The following BSPRY variants were observed in gnomAD, a reference collection of about 807,000 sequenced individuals.
The protein encoded by BSPRY is B-box and SPRY domain containing, also known as B box and SPRY domain-containing protein.
Under a neutral mutation model 38.0 loss-of-function variants are expected in BSPRY, and 33 were observed. The ratio of observed to expected loss-of-function variants is 0.87; its 90% confidence interval spans 0.66 to 1.16. The LOEUF is 1.16. BSPRY is among the 50% of genes most tolerant of loss of function. BSPRY has a pLI of 0.00. For synonymous variants in BSPRY, 224 were observed against 228.5 expected, an observed-to-expected ratio of 0.98 and a Z score of 0.18; for missense variants, 523 against 533.2, an observed-to-expected ratio of 0.98 and a Z score of 0.19.
intron 5 of BSPRY, 80 bp downstream of exon 5, chr9:113,368,463 TG>T: frequency 2.0e-6 from 3 of 1,531,662 alleles, no homozygotes; most frequent in Non-Finnish European, 2.7e-6. Flanking sequence ...TGGTTCACAA[TG>T]GGGACCCGTG....
intron 4 of BSPRY, among the ~76,000 whole-genome samples, chr9:113,366,423 G>A (rs1429951831): frequency 6.6e-6 from 1 of 152,200 alleles, no homozygotes; most frequent in African/African-American, 2.4e-5. Context: ...GAAGTGCCTT[G>A]TTGGCTCTGG....
intron 2 of BSPRY, among the ~76,000 whole-genome samples, chr9:113,354,682 A>T (rs1294290751): frequency 1.3e-5 from 2 of 152,182 alleles, no homozygotes; most frequent in African/African-American, 4.8e-5. Flanking sequence ...TGACAATCTT[A>T]TGAAGTAGAT....
At chr9:113,356,491 G>A (rs1253803766) in intron 2 of BSPRY, among the ~76,000 whole-genome samples, 4 of 137,250 alleles carry the variant, frequency 2.9e-5, no homozygotes, top group African/African-American at 1.2e-4. Context: ...GCAACAGTGC[G>A]AGACTCTGTC....
At chr9:113,354,900 G>T (rs1244138725) in intron 2 of BSPRY, among the ~76,000 whole-genome samples, 1 of 151,978 alleles carries the variant, frequency 6.6e-6, no homozygotes, top group Non-Finnish European at 1.5e-5. Flanking sequence ...GCCTCACTCT[G>T]TTGCCCAGGC....
chr9:113,357,916 A>C (rs1202194971), intron 2 of BSPRY, among the ~76,000 whole-genome samples: 18 of 42,034 alleles, frequency 4.3e-4, no homozygotes, highest in South Asian at 1.2e-3. Flanking sequence ...ATATATATAT[A>C]TATATATATA....
intron 2 of BSPRY, among the ~76,000 whole-genome samples, chr9:113,357,337 G>C (rs1834076697): frequency 6.6e-6 from 1 of 152,160 alleles, no homozygotes; most frequent in African/African-American, 2.4e-5. Context: ...AGGACTCCTT[G>C]TGCTACCCTT....
intron 3 of BSPRY, among the ~76,000 whole-genome samples, 172 bp downstream of exon 3, chr9:113,360,909 C>T (rs559134689): frequency 1.3e-5 from 2 of 152,340 alleles, no homozygotes; most frequent in East Asian, 3.9e-4. Context: ...AGCCTTCTCC[C>T]AGGCCCATCT....
At chr9:113,358,051 T>A (rs1313805488) in intron 2 of BSPRY, among the ~76,000 whole-genome samples, 1 of 149,520 alleles carries the variant, frequency 6.7e-6, no homozygotes, top group African/African-American at 2.4e-5. Context: ...AGTTCGAGAC[T>A]GTTTTGGGCA....
At chr9:113,353,585 C>T (rs1834005344) in intron 1 of BSPRY, among the ~76,000 whole-genome samples, 1 of 152,038 alleles carries the variant, frequency 6.6e-6, no homozygotes, top group African/African-American at 2.4e-5. Context: ...CACCTGTAAT[C>T]CCAGCTACTT....
In BSPRY at chr9:113,368,235, T is replaced by G. The variant is rs113557723; in HGVS notation, c.558-24T>G. The stretch of plus-strand genomic sequence containing the variant: ...TATTTCCAGAACCATCCTGAATCTC[T>G]GTCTCTGTTTTTCCCCATATAAGGA... On this transcript the variant is annotated intron_variant, in intron 4 of 5. Coordinates refer to ENST00000374183, the MANE Select transcript of BSPRY (RefSeq NM_017688.3). 12 of 1,613,166 alleles carry G rather than the reference T, an allele frequency of 7.4e-6. No homozygotes were observed. The South Asian group carries it at 1.3e-4, about 18-fold the overall frequency.
intron 4 of BSPRY, among the ~76,000 whole-genome samples, chr9:113,364,667 A>G (rs1834216856): frequency 1.3e-5 from 2 of 152,164 alleles, no homozygotes; most frequent in Middle Eastern, 3.4e-3. Flanking sequence ...TCTATCTAGT[A>G]TATATGTTAG....
intron 1 of BSPRY, among the ~76,000 whole-genome samples, chr9:113,353,790 A>G (rs933271266): frequency 3.9e-5 from 6 of 152,258 alleles, no homozygotes; most frequent in African/African-American, 1.4e-4. Context: ...AAAGTCACTT[A>G]GAGAATGTGC....
chr9:113,361,998 C>G (rs1315999242), intron 3 of BSPRY, among the ~76,000 whole-genome samples: 2 of 152,306 alleles, frequency 1.3e-5, no homozygotes, highest in South Asian at 4.1e-4. Context: ...TGCTCTTTCA[C>G]AGACACTGGG....
chr9:113,363,715 C>T (rs969682018), intron 4 of BSPRY, among the ~76,000 whole-genome samples: 2 of 150,578 alleles, frequency 1.3e-5, no homozygotes, highest in Non-Finnish European at 3.0e-5. Flanking sequence ...AATCCTGTCT[C>T]TACTAAAAAT....
chr9:113,355,009 C>T (rs1834034271), intron 2 of BSPRY, among the ~76,000 whole-genome samples: 1 of 152,200 alleles, frequency 6.6e-6, no homozygotes, highest in Non-Finnish European at 1.5e-5. Flanking sequence ...ATGCCTGCCA[C>T]CATGAGTGGC....
chr9:113,367,760 G>C (rs1039142800), intron 4 of BSPRY, among the ~76,000 whole-genome samples: 3 of 151,962 alleles, frequency 2.0e-5, no homozygotes, highest in East Asian at 3.9e-4. Flanking sequence ...TAAAATTAAG[G>C]CTTCTGGGGG....
At chr9:113,357,948 A>C (rs1834089774) in intron 2 of BSPRY, among the ~76,000 whole-genome samples, 4 of 109,758 alleles carry the variant, frequency 3.6e-5, no homozygotes, top group Admixed American at 2.1e-4. Flanking sequence ...ATATATCTCT[A>C]TTAAGCTTAT....
intron 5 of BSPRY, among the ~76,000 whole-genome samples, chr9:113,368,742 C>T (rs890325605): frequency 6.6e-6 from 1 of 152,172 alleles, no homozygotes; most frequent in Non-Finnish European, 1.5e-5. Flanking sequence ...ACATCTGGAC[C>T]AAGAATCAAA....
chr9:113,351,612 GCAGA>G (rs1402307736), intron 1 of BSPRY, among the ~76,000 whole-genome samples: 21 of 152,238 alleles, frequency 1.4e-4, no homozygotes, highest in African/African-American at 4.3e-4. Flanking sequence ...TTGCCTTTTG[GCAGA>G]TGGAACTGAG....
Sources: gnomAD v4.1 joint callset for allele counts (sites outside exome capture counted in the v4.1 genomes callset) on GRCh38, gnomAD v4.1.1 for gene constraint, MANE v1.5 for transcripts, NCBI Gene and HGNC (gene_info 2026-07-23, HGNC 2026-07-21) for gene names.